Variants in PAXBP1 observed in about 807,000 individuals in gnomAD.
The protein encoded by PAXBP1 is PAX3- and PAX7-binding protein 1.
In PAXBP1, 44 loss-of-function variants were observed where a neutral mutation model predicts 119.9. The observed-to-expected ratio is 0.37, with a 90% CI of 0.29 to 0.47. The LOEUF (loss-of-function observed/expected upper bound fraction) is 0.47, where lower values mean the gene tolerates loss of function less well. Ranked by LOEUF, PAXBP1 falls within the 20% of genes least tolerant of loss-of-function variation. The pLI, the probability that PAXBP1 is intolerant of heterozygous loss-of-function variation, is 0.99. For missense variants in PAXBP1, 898 were observed against 1,134.1 expected, an observed-to-expected ratio of 0.79 and a Z score of 2.99; for synonymous variants, 393 against 406.6, an observed-to-expected ratio of 0.97 and a Z score of 0.40.
chr21:32,734,434 C>T lies in PAXBP1; in HGVS notation c.*516G>A, dbSNP rs1032625325. 1 of 155,700 alleles carries T rather than the reference C, an allele frequency of 6.4e-6. No individual in the cohort carries two copies. The highest frequency in any genetic ancestry group is 2.4e-5 in the African/African-American group (1 of 41,468). The allele number at this position is 155,700 out of a possible 1,614,324, so 9.6% of individuals were successfully genotyped here. On this transcript the variant is annotated 3_prime_UTR_variant, in exon 18 of 18. Coordinates refer to ENST00000331923, the MANE Select transcript of PAXBP1 (RefSeq NM_016631.4). The stretch of plus-strand genomic sequence containing the variant: ...AACTCAACTCTCAATGTTAAGGCAG[C>T]ACAGCTACAGTGATAGCAACGCTAA...
At chr21:32,741,727 G>C in intron 15 of PAXBP1, 1 of 528,934 alleles carries the variant, frequency 1.9e-6, no homozygotes, top group Admixed American at 3.0e-5. Context: ...TTGGCTTTGC[G>C]GAAAAGGGGT....
chr21:32,765,054 A>G lies in PAXBP1; in HGVS notation c.473-530T>C, dbSNP rs149064726. The stretch of plus-strand genomic sequence containing the variant: ...CAAAACCACTTGTCACCTATCACCT[A>G]AAGAGATGAGATCCCAGCAGTCACA... On this transcript the variant is annotated intron_variant, in intron 2 of 17. Coordinates refer to ENST00000331923, the MANE Select transcript of PAXBP1 (RefSeq NM_016631.4). Among the ~76,000 whole-genome samples the G allele has an allele frequency of 5.5e-3, 842 of 152,284 alleles. 4 individuals carry two copies. Among genetic ancestry groups the G allele is most frequent in the Non-Finnish European group, 9.5e-3 (649 of 68,014 alleles).
Position 32,771,749 on chromosome 21 carries a change from G to T in PAXBP1, c.-81C>A. ...GCCGAGCTCGTGACGGCGCACGCGC[G>T]CTCTCCGGAGCTCCAGCCGGGTCGA... On this transcript the variant is annotated 5_prime_UTR_variant, in exon 1 of 18. Coordinates refer to ENST00000331923, the MANE Select transcript of PAXBP1 (RefSeq NM_016631.4). 1 of 1,195,802 alleles carries T rather than the reference G, an allele frequency of 8.4e-7. No homozygotes were observed. The highest frequency in any genetic ancestry group is 1.1e-6 in the Non-Finnish European group (1 of 930,470). 74.1% of individuals were successfully genotyped at this position (1,195,802 alleles called of 1,614,324 possible).
At chr21:32,760,868 T>C (rs1368191897) in intron 5 of PAXBP1, among the ~76,000 whole-genome samples, 191 bp downstream of exon 5, 2 of 151,342 alleles carry the variant, frequency 1.3e-5, no homozygotes, top group African/African-American at 2.4e-5. Context: ...TGCAGTTTCT[T>C]CTAAAAGCCT....
intron 15 of PAXBP1, among the ~76,000 whole-genome samples, chr21:32,740,354 C>A (rs139084161): frequency 5.9e-4 from 90 of 152,254 alleles, no homozygotes; most frequent in South Asian, 2.7e-3. Flanking sequence ...TGTATAAAAC[C>A]AAGCTGTGCC....
chr21:32,758,943 T>G (rs1222200561), intron 7 of PAXBP1, 137 bp downstream of exon 7: 2 of 805,166 alleles, frequency 2.5e-6, no homozygotes, highest in Non-Finnish European at 3.9e-6. Context: ...TGAAGAAAAA[T>G]GAAGCATGAC....
chr21:32,767,256 G>A (rs2044256984), intron 2 of PAXBP1, among the ~76,000 whole-genome samples: 1 of 152,178 alleles, frequency 6.6e-6, no homozygotes, highest in African/African-American at 2.4e-5. Context: ...CTACTATAGA[G>A]GGTTGAAGGT....
Position 32,771,724 on chromosome 21 carries a change from GC to G in PAXBP1, c.-57del. On this transcript the variant is annotated 5_prime_UTR_variant, in exon 1 of 18. Transcript: ENST00000331923. ...GCTTCCACACCGCGGCCCCGGCAGCGCCGAGCTCGTGACGGCGCACGCGCGC... is the reference window on the plus strand; with the variant it reads ...GCTTCCACACCGCGGCCCCGGCAGCGCGAGCTCGTGACGGCGCACGCGCGC... 7.6e-7 allele frequency: 1 copy of G among 1,321,170 alleles called. No individual in the cohort carries two copies. The highest frequency in any genetic ancestry group is 1.5e-5 in the African/African-American group (1 of 64,816). 81.8% of individuals were successfully genotyped at this position (1,321,170 alleles called of 1,614,324 possible).
intron 7 of PAXBP1, 67 bp downstream of exon 7, chr21:32,759,013 A>T: frequency 6.8e-7 from 1 of 1,461,880 alleles, no homozygotes; most frequent in Non-Finnish European, 9.4e-7. Context: ...AGAATGTTCT[A>T]CACAAGGCCA....
rs2044109129 is a variant in PAXBP1, at chr21:32,759,888, C to T, written c.1082G>A (p.Gly361Glu). ...TTTTTGAGATTTGGCATCTGATGAT[C>T]CATAGGCCGTATAACTATAAGGAAT... ...YGIPYSYTAYGSSDAKSQKTD... is the reference protein window; with the variant it reads ...YGIPYSYTAYESSDAKSQKTD... Residue 361 changes from glycine (G) to glutamate (E), a missense_variant, in exon 6 of 18, where the codon GGA (glycine) becomes GAA (glutamate). This residue lies in a region of PAXBP1 where 599 missense variants were observed against 852.7 expected (regional missense o/e 0.70). Transcript: ENST00000331923. 1 of 1,613,680 alleles carries T rather than the reference C, an allele frequency of 6.2e-7. No individual in the cohort carries two copies. The highest frequency in any genetic ancestry group is 1.1e-5 in the South Asian group (1 of 91,068).
At chr21:32,743,346 C>A in intron 14 of PAXBP1, 32 bp from the exon 15 acceptor site, 2 of 1,418,916 alleles carry the variant, frequency 1.4e-6, no homozygotes, top group Non-Finnish European at 9.6e-7. Context: ...ATATCATGAT[C>A]AGATATTTTA....
Position 32,745,637 on chromosome 21 carries a change from C to G in PAXBP1, c.2005G>C (p.Asp669His). ...GGTAGTAGGGCAACATCTACATCAT[C>G]TTTTTCTTGCTCTCGTTCTTCACAA... is the stretch of plus-strand genomic sequence containing the variant. ...YGCEEREQEK[D>H]DVDVALLPTI... is the part of the protein sequence containing the mutation. The change falls in exon 12 of 18, where the codon GAT becomes CAT. Residue 669 changes from aspartate (D) to histidine (H), a missense_variant. Asp to His is a moderately conservative substitution (Grantham distance 81). This residue lies in a region of PAXBP1 where 599 missense variants were observed against 852.7 expected (regional missense o/e 0.70). Coordinates refer to ENST00000331923, the MANE Select transcript of PAXBP1 (RefSeq NM_016631.4). 2 of 1,614,060 alleles carry G rather than the reference C, an allele frequency of 1.2e-6. No individual in the cohort carries two copies. Among genetic ancestry groups the G allele is most frequent in the Non-Finnish European group, 1.7e-6 (2 of 1,179,932 alleles).
Position 32,750,940 on chromosome 21 carries a change from A to G in PAXBP1, c.1700T>C (p.Ile567Thr), listed in dbSNP as rs137967186. 397 of 1,612,162 alleles carry G rather than the reference A, an allele frequency of 2.5e-4. 3 individuals carry two copies. Among genetic ancestry groups the G allele is most frequent in the South Asian group, 1.3e-3 (118 of 90,630 alleles). ...ACCTTTTTCCAGATTGAAATTAGTA[A>G]TATCTGTAGAAGTTTCTTCATCATC... ...SSDDEETSTD[I>T]TNFNLEKDRI... Residue 567 changes from isoleucine to threonine, a missense_variant, in exon 10 of 18, where the codon ATT becomes ACT. Around this residue, in one of 2 missense-constraint regions of PAXBP1, gnomAD observed 599 missense variants for 852.7 expected, o/e 0.70. Transcript: ENST00000331923.
intron 7 of PAXBP1, 135 bp from the exon 8 acceptor site, chr21:32,755,488 C>T: frequency 1.8e-6 from 2 of 1,127,812 alleles, no homozygotes; most frequent in African/African-American, 1.6e-5. Flanking sequence ...CAACAGCACA[C>T]AAGTAGCAAA....
At chr21:32,763,184 C>T (rs781191946) in intron 3 of PAXBP1, among the ~76,000 whole-genome samples, 11 of 152,162 alleles carry the variant, frequency 7.2e-5, no homozygotes, top group Non-Finnish European at 1.3e-4. Flanking sequence ...ATCTACCGCA[C>T]ACATTAACTG....
Position 32,761,080 on chromosome 21 carries a change from C to T in PAXBP1, c.954G>A (p.Arg318=). 3.1e-6 allele frequency: 5 copies of T among 1,613,286 alleles called. No homozygotes were observed. The highest frequency in any genetic ancestry group is 4.2e-6 in the Non-Finnish European group (5 of 1,179,666). ...ELSRWEQEQI[R]KGINIPQVQA... The stretch of plus-strand genomic sequence containing the variant: ...GTACCTGAGGGATATTAATTCCTTT[C>T]CTTATCTGCTCCTGTTCCCATCGGC... The change falls in exon 5 of 18, where the codon AGG becomes AGA. Residue 318 remains arginine (R), a synonymous_variant. Coordinates refer to ENST00000331923, the MANE Select transcript of PAXBP1 (RefSeq NM_016631.4).
At position 32,737,621 on chromosome 21, in the gene PAXBP1, A is replaced by C. The variant is rs1259717226; in HGVS notation, c.2482-213T>G. 7.9e-6 allele frequency: 3 copies of C among 379,802 alleles called. 1 individual carries two copies. Among genetic ancestry groups the C allele is most frequent in the African/African-American group, 4.2e-5 (2 of 47,738 alleles). The allele number at this position is 379,802 out of a possible 1,614,324, so 23.5% of individuals were successfully genotyped here. ...TTTTACCCCAACCAATGGGTTAGGC[A>C]CTCAAAGCAAAAGATAATCTGTCCA... On this transcript the variant is annotated intron_variant, in intron 16 of 17. Coordinates refer to ENST00000331923, the MANE Select transcript of PAXBP1 (RefSeq NM_016631.4).
At chr21:32,744,678 AGTGGGAGAACCAGATTTC>A in intron 13 of PAXBP1, 96 bp downstream of exon 13, 1 of 1,161,378 alleles carries the variant, frequency 8.6e-7, no homozygotes, top group Non-Finnish European at 1.2e-6. Flanking sequence ...TGATGGCCCA[AGTGGGAGAACCAGATTTC>A]TGATTGGTTT....
Position 32,734,291 on chromosome 21 carries a change from T to C in PAXBP1, c.*659A>G, listed in dbSNP as rs974605209. 1 of 152,736 alleles carries C rather than the reference T, an allele frequency of 6.5e-6. No homozygotes were observed. Among genetic ancestry groups the C allele is most frequent in the Non-Finnish European group, 1.5e-5 (1 of 68,110 alleles). 9.5% of individuals were successfully genotyped at this position (152,736 alleles called of 1,614,324 possible). The stretch of plus-strand genomic sequence containing the variant: ...GTTTATTATTTTCAAAAGTGAAATT[T>C]CTATGTTCCATTTGAAACTATGTTG... On this transcript the variant is annotated 3_prime_UTR_variant, in exon 18 of 18. Transcript: ENST00000331923.
Sources: gnomAD v4.1 joint callset for allele counts (sites outside exome capture counted in the v4.1 genomes callset) on GRCh38, gnomAD v4.1.1 for gene constraint, gnomAD v4.1.1 regional missense constraint, MANE v1.5 for transcripts, NCBI Gene and HGNC (gene_info 2026-07-23, HGNC 2026-07-21) for gene names.